SLC6A15: variants seen among roughly 807,000 people sequenced by gnomAD.
The protein encoded by SLC6A15 is solute carrier family 6 member 15.
Under a neutral mutation model 68.5 loss-of-function variants are expected in SLC6A15, and 33 were observed. The observed-to-expected ratio is 0.48, with a 90% CI of 0.37 to 0.64. The LOEUF (loss-of-function observed/expected upper bound fraction) is 0.64. Ranked by LOEUF, SLC6A15 falls within the 30% of genes least tolerant of loss-of-function variation. The pLI, the probability that SLC6A15 is intolerant of heterozygous loss-of-function variation, is 0.00. For synonymous variants in SLC6A15, 347 were observed against 301.0 expected, an observed-to-expected ratio of 1.15 and a Z score of -1.58; for missense variants, 747 against 874.3, an observed-to-expected ratio of 0.85 and a Z score of 1.84.
intron 1 of SLC6A15, among the ~76,000 whole-genome samples, chr12:84,906,761 A>G (rs3919777): frequency 0.041 from 6,216 of 152,214 alleles, 397 homozygotes; most frequent in African/African-American, 0.14. Context: ...CCTAAATCTC[A>G]TATCTTATAC....
intron 1 of SLC6A15, among the ~76,000 whole-genome samples, chr12:84,897,575 T>A (rs1453300000): frequency 6.6e-6 from 1 of 152,022 alleles, no homozygotes; most frequent in Non-Finnish European, 1.5e-5. Context: ...AGTAGAAAGA[T>A]CAAATTAAAA....
At position 84,892,276 on chromosome 12, in the gene SLC6A15, T is replaced by C. The variant is rs1422774217; in HGVS notation, c.-156A>G. On this transcript the variant is annotated 5_prime_UTR_variant, in exon 2 of 12. Transcript: ENST00000266682. ...TTCAAGGTGATAAAGCCTTATGGAT[T>C]CTGAATCCGTATGTCCAGTATTCTG... The C allele has an allele frequency of 9.1e-6, 6 of 657,324 alleles. No homozygotes were observed. Among genetic ancestry groups the C allele is most frequent in the Non-Finnish European group, 1.5e-5 (6 of 403,464 alleles). 40.7% of individuals were successfully genotyped at this position (657,324 alleles called of 1,614,324 possible).
chr12:84,885,858 A>G, intron 3 of SLC6A15, 53 bp downstream of exon 3: 4 of 1,486,072 alleles, frequency 2.7e-6, no homozygotes, highest in African/African-American at 1.4e-5. Context: ...TGTTAATTAT[A>G]TAATTTGAAA....
chr12:84,881,694 T>C, intron 5 of SLC6A15: 1 of 947,528 alleles, frequency 1.1e-6, no homozygotes. Flanking sequence ...CTAAGTTGTT[T>C]TTCCATGTGC....
At chr12:84,881,682 C>T in intron 5 of SLC6A15, 2 of 963,128 alleles carry the variant, frequency 2.1e-6, no homozygotes, top group Non-Finnish European at 2.5e-6. Flanking sequence ...CTGCTAAATC[C>T]TCTAAGTTGT....
intron 1 of SLC6A15, among the ~76,000 whole-genome samples, chr12:84,908,291 CT>C (rs1873267830): frequency 6.6e-6 from 1 of 151,888 alleles, no homozygotes; most frequent in Non-Finnish European, 1.5e-5. Context: ...AAAATTATGC[CT>C]TTTTTGCTAG....
chr12:84,889,808 T>G (rs1456465566), intron 2 of SLC6A15, among the ~76,000 whole-genome samples: 1 of 152,120 alleles, frequency 6.6e-6, no homozygotes, highest in Non-Finnish European at 1.5e-5. Context: ...GGGTAGTGTG[T>G]AAAAGAACCA....
At chr12:84,907,082 G>A (rs1266952136) in intron 1 of SLC6A15, among the ~76,000 whole-genome samples, 1 of 152,158 alleles carries the variant, frequency 6.6e-6, no homozygotes, top group African/African-American at 2.4e-5. Flanking sequence ...AGGCGCGGTG[G>A]CTCACGCCTG....
chr12:84,868,591 A>G (rs1343391549), intron 9 of SLC6A15, among the ~76,000 whole-genome samples: 2 of 152,188 alleles, frequency 1.3e-5, no homozygotes, highest in Non-Finnish European at 2.9e-5. Context: ...AAAGATAATG[A>G]GTAATTCATT....
At chr12:84,904,965 T>C (rs1873068601) in intron 1 of SLC6A15, among the ~76,000 whole-genome samples, 1 of 152,148 alleles carries the variant, frequency 6.6e-6, no homozygotes, top group South Asian at 2.1e-4. Flanking sequence ...GAAATCTCAC[T>C]GGAAAATTCC....
chr12:84,863,487 C>T lies in SLC6A15; in HGVS notation c.1770G>A (p.Val590=). ...AGCCAGGAGGACTTAATCCCATATT[C>T]ACAACACTAGCTATTAGCAATGATA... ...MLLSLLIASV[V]NMGLSPPGYN... Residue 590 remains valine, a synonymous_variant, in exon 11 of 12, where the codon GTG becomes GTA. Transcript: ENST00000266682. 1.9e-6 allele frequency: 3 copies of T among 1,592,588 alleles called. No individual in the cohort carries two copies. Among genetic ancestry groups the T allele is most frequent in the Non-Finnish European group, 1.7e-6 (2 of 1,172,228 alleles).
rs772380561 is a variant in SLC6A15 at position 84,886,017 on chromosome 12, A to G, written c.341T>C (p.Leu114Pro). The change falls in exon 3 of 12, where the codon CTT becomes CCT. Residue 114 changes from leucine to proline, a missense_variant. Leu to Pro is a moderately conservative substitution (Grantham distance 98). Transcript: ENST00000266682. ...ACCCACAGAGAGTTCCAAGAAAAAA[A>G]GGGGAATACCTATTACCATAAGTAG... ...LILLMVIGIPLFFLELSVGQR... is the reference protein window; with the variant it reads ...LILLMVIGIPPFFLELSVGQR... The G allele has an allele frequency of 6.2e-7, 1 of 1,611,898 alleles. No homozygotes were observed.
intron 4 of SLC6A15, among the ~76,000 whole-genome samples, chr12:84,884,862 T>C (rs1436072979): frequency 4.6e-5 from 7 of 152,084 alleles, no homozygotes; most frequent in African/African-American, 1.7e-4. Context: ...AGTATTTTTA[T>C]ATAATAGATT....
intron 10 of SLC6A15, among the ~76,000 whole-genome samples, chr12:84,866,102 T>A (rs1292403323): frequency 1.3e-5 from 2 of 152,202 alleles, no homozygotes; most frequent in Admixed American, 1.3e-4. Context: ...TAAAGCTCAT[T>A]CAATACCCAC....
intron 1 of SLC6A15, among the ~76,000 whole-genome samples, chr12:84,899,075 T>C (rs1872745165): frequency 1.3e-5 from 2 of 152,156 alleles, no homozygotes; most frequent in East Asian, 1.9e-4. Flanking sequence ...TGCTTATAAG[T>C]AATCTCTCCA....
rs895402203 is a variant in SLC6A15 at position 84,860,034 on chromosome 12, C to T, written c.*1598G>A. Reference sequence around the variant, plus strand: ...TACTGCCTATTTATAAAATATTAAACATTTTAAAGGGATACAAACACAATA... The same window carrying T: ...TACTGCCTATTTATAAAATATTAAATATTTTAAAGGGATACAAACACAATA... On this transcript the variant is annotated 3_prime_UTR_variant, in exon 12 of 12. Transcript: ENST00000266682. The T allele has an allele frequency of 3.9e-5, 6 of 151,958 alleles. No homozygotes were observed. Among genetic ancestry groups the T allele is most frequent in the African/African-American group, 1.4e-4 (6 of 41,402 alleles). 9.4% of individuals were successfully genotyped at this position (151,958 alleles called of 1,614,324 possible).
intron 2 of SLC6A15, among the ~76,000 whole-genome samples, chr12:84,889,477 G>A (rs937441695): frequency 6.6e-6 from 1 of 151,422 alleles, no homozygotes; most frequent in East Asian, 1.9e-4. Flanking sequence ...CTGGGCAAAA[G>A]AGCAAGACTC....
In SLC6A15 at chr12:84,870,626, C is replaced by A. The variant is rs750513614; in HGVS notation, c.1347G>T (p.Ala449=). Residue 449 remains alanine, a synonymous_variant, in exon 9 of 12, where the codon GCG becomes GCT. Transcript: ENST00000266682. ...AGGGAGATGCAGGAAAATGTGTCATCGCTTCTGTAAAGGCAATAAAAGCTA... is the reference window on the plus strand; with the variant it reads ...AGGGAGATGCAGGAAAATGTGTCATAGCTTCTGTAAAGGCAATAAAAGCTA... ...TGLAFIAFTE[A]MTHFPASPFW... 1.2e-5 allele frequency: 20 copies of A among 1,612,038 alleles called. No homozygotes were observed. In the South Asian group the frequency reaches 1.8e-4, roughly 14 times the overall value.
chr12:84,900,919 CATACATA>C (rs1872834901), intron 1 of SLC6A15, among the ~76,000 whole-genome samples: 1 of 127,428 alleles, frequency 7.8e-6, no homozygotes, highest in Admixed American at 7.5e-5. Context: ...TATATATATA[CATACATA>C]TATACATGTA....
Sources: allele counts gnomAD v4.1 joint callset (sites outside exome capture counted in the v4.1 genomes callset), GRCh38; gene constraint gnomAD v4.1.1; transcripts MANE v1.5; gene names NCBI Gene and HGNC (gene_info 2026-07-23, HGNC 2026-07-21).